WASHC3: variants seen among roughly 807,000 people sequenced by gnomAD.
WASHC3 encodes WASH complex subunit CCDC53.
A neutral mutation model predicts 26.1 loss-of-function variants in WASHC3; 24 were observed. That is an observed-to-expected ratio of 0.92 (90% CI 0.66 to 1.29). The LOEUF is 1.29. Ranked by LOEUF, WASHC3 falls within the 50% of genes most tolerant of loss-of-function variation. The probability of loss-of-function intolerance (pLI) is 0.00; values close to 1 mark genes in which losing one functional copy is unlikely to be tolerated. For missense variants in WASHC3, 214 were observed against 229.6 expected (o/e 0.93, Z 0.44); for synonymous variants, 77 against 75.7 (o/e 1.02, Z -0.09).
intron 5 of WASHC3, among the ~76,000 whole-genome samples, chr12:102,026,853 A>C (rs1218322563): frequency 6.6e-6 from 1 of 152,146 alleles, no homozygotes; most frequent in African/African-American, 2.4e-5. Flanking sequence ...TGATGTGTTC[A>C]ATTTGAGGGC....
chr12:102,053,115 A>G (rs1828391369), intron 2 of WASHC3, among the ~76,000 whole-genome samples: 1 of 150,214 alleles, frequency 6.7e-6, no homozygotes, highest in African/African-American at 2.5e-5. Flanking sequence ...TCACAGTACA[A>G]CCAGGACCCA....
chr12:102,045,962 T>A (rs1167874286), intron 3 of WASHC3, 92 bp downstream of exon 3: 2 of 700,992 alleles, frequency 2.9e-6, no homozygotes, highest in Non-Finnish European at 4.9e-6. Flanking sequence ...TTAAATGGAA[T>A]CACTCCCAAA....
At chr12:102,029,750 A>T (rs1056779365) in intron 5 of WASHC3, among the ~76,000 whole-genome samples, 16 of 152,204 alleles carry the variant, frequency 1.1e-4, no homozygotes, top group African/African-American at 2.9e-4. Context: ...TAACAATTCA[A>T]TTATGAAAGA....
chr12:102,048,124 C>G (rs147493357), intron 2 of WASHC3, among the ~76,000 whole-genome samples: 1,618 of 152,136 alleles, frequency 0.011, 29 homozygotes, highest in African/African-American at 0.036. Context: ...GATTCTGTGC[C>G]AAGAGGAAAA....
chr12:102,036,426 A>G (rs1188620135), intron 5 of WASHC3, among the ~76,000 whole-genome samples: 1 of 152,108 alleles, frequency 6.6e-6, no homozygotes, highest in African/African-American at 2.4e-5. Flanking sequence ...AAGTTGGGTA[A>G]TAAGGTTCTG....
At chr12:102,048,663 A>G (rs1338034360) in intron 2 of WASHC3, among the ~76,000 whole-genome samples, 1 of 151,964 alleles carries the variant, frequency 6.6e-6, no homozygotes, top group African/African-American at 2.4e-5. Flanking sequence ...TCACATCACA[A>G]TTGCTGCAGA....
At chr12:102,026,167 T>G (rs1877180209) in intron 5 of WASHC3, 129 bp from the exon 6 acceptor site, 4 of 603,010 alleles carry the variant, frequency 6.6e-6, no homozygotes, top group Admixed American at 3.3e-5. Context: ...AAAATTAGCA[T>G]GTGCCTAGCA....
Position 102,013,107 on chromosome 12 carries a change from C to A in WASHC3, c.*1G>T. The A allele has an allele frequency of 7.1e-7, 1 of 1,402,804 alleles. No homozygotes were observed. Among genetic ancestry groups the A allele is most frequent in the South Asian group, 1.2e-5 (1 of 80,588 alleles). 86.9% of individuals were successfully genotyped at this position (1,402,804 alleles called of 1,614,324 possible). A position where few individuals can be genotyped will look rare whatever the true frequency, so the allele number is the denominator to read the frequency against. The stretch of plus-strand genomic sequence containing the variant: ...ATATGTAATTCTTATCAAAATTAAG[C>A]TTAATCACTAAAAGAAGATTCGCTA... On this transcript the variant is annotated 3_prime_UTR_variant, in exon 7 of 7. Transcript: ENST00000240079.
chr12:102,059,565 A>G (rs1878725090), intron 2 of WASHC3: 1 of 152,128 alleles, frequency 6.6e-6, no homozygotes. Context: ...TCTTTGATCT[A>G]GTTGTCAGTA....
intron 2 of WASHC3, chr12:102,050,471 C>CACACACACACACAT (rs1274349261): frequency 1.2e-5 from 5 of 415,800 alleles, no homozygotes; most frequent in African/African-American, 1.0e-4. Flanking sequence ...CACACACACA[C>CACACACACACACAT]ACACACACAC....
intron 5 of WASHC3, among the ~76,000 whole-genome samples, chr12:102,026,467 T>C (rs1402958481): frequency 1.3e-5 from 2 of 152,236 alleles, no homozygotes; most frequent in South Asian, 2.1e-4. Context: ...ATTAATGTTC[T>C]TTTAATAAGC....
chr12:102,061,879 C>T, intron 1 of WASHC3, 33 bp downstream of exon 1: 1 of 1,565,474 alleles, frequency 6.4e-7, no homozygotes. Flanking sequence ...CTCCTCCCGG[C>T]TCGTCGGGAG....
chr12:102,034,901 G>A (rs1043358264), intron 5 of WASHC3, among the ~76,000 whole-genome samples: 3 of 151,882 alleles, frequency 2.0e-5, no homozygotes, highest in Non-Finnish European at 2.9e-5. Flanking sequence ...ACTTGTGTAT[G>A]AGAACTGGCA....
intron 6 of WASHC3, chr12:102,019,352 A>G (rs190846428): frequency 6.7e-5 from 25 of 373,818 alleles, no homozygotes; most frequent in African/African-American, 4.8e-4. Flanking sequence ...TATTATGATC[A>G]TAAATGTTCT....
Position 102,020,830 on chromosome 12 carries a change from C to T in WASHC3, c.500+5144G>A, listed in dbSNP as rs1037487776. Among the ~76,000 whole-genome samples the T allele has an allele frequency of 7.2e-5, 11 of 152,138 alleles. 1 individual carries two copies. The highest frequency in any genetic ancestry group is 2.6e-4 in the Admixed American group (4 of 15,274). On this transcript the variant is annotated intron_variant, in intron 6 of 6. Coordinates refer to ENST00000240079, the MANE Select transcript of WASHC3 (RefSeq NM_016053.4). The stretch of plus-strand genomic sequence containing the variant: ...GGCGTGGTGGCTCACACCTGTAATC[C>T]CAGCACTTTGGGAGGCCGAGGTGGG...
intron 5 of WASHC3, among the ~76,000 whole-genome samples, chr12:102,035,239 A>G (rs554849626): frequency 6.6e-6 from 1 of 152,300 alleles, no homozygotes; most frequent in South Asian, 2.1e-4. Flanking sequence ...CTGAAAATTT[A>G]ATTCCTCAAT....
At chr12:102,050,689 A>T (rs1261403374) in intron 2 of WASHC3, 2 of 418,656 alleles carry the variant, frequency 4.8e-6, no homozygotes, top group Non-Finnish European at 9.4e-6. Context: ...ACAAACAAAA[A>T]ACCAAAGTAA....
chr12:102,054,503 C>T (rs370790940), intron 2 of WASHC3, among the ~76,000 whole-genome samples: 19 of 152,116 alleles, frequency 1.2e-4, no homozygotes, highest in South Asian at 1.2e-3. Context: ...CATGGTGAGA[C>T]GCCGTCTCTA....
intron 2 of WASHC3, among the ~76,000 whole-genome samples, chr12:102,050,019 T>G (rs1410093489): frequency 6.6e-6 from 1 of 152,184 alleles, no homozygotes; most frequent in African/African-American, 2.4e-5. Flanking sequence ...AAATCCAGTA[T>G]CTTAGGCATG....
Sources: gnomAD v4.1 joint callset for allele counts (sites outside exome capture counted in the v4.1 genomes callset) on GRCh38, gnomAD v4.1.1 for gene constraint, MANE v1.5 for transcripts, NCBI Gene and HGNC (gene_info 2026-07-23, HGNC 2026-07-21) for gene names.